Variants in SHANK2 observed in about 807,000 individuals in gnomAD.
SHANK2 encodes the protein SH3 and multiple ankyrin repeat domains protein 2.
In SHANK2, 43 loss-of-function variants were observed where a neutral mutation model predicts 133.7. The ratio of observed to expected loss-of-function variants is 0.32; its 90% CI spans 0.25 to 0.41. The LOEUF (loss-of-function observed/expected upper bound fraction) is 0.41. Among genes scored for constraint, SHANK2 ranks in the 10% least tolerant of loss-of-function variants. The pLI is 1.00. For synonymous variants in SHANK2, 1,017 were observed against 952.8 expected, an observed-to-expected ratio of 1.07 and a Z score of -1.24; for missense variants, 1,994 against 2,235.8, an observed-to-expected ratio of 0.89 and a Z score of 2.18.
At chr11:70,650,300 A>C in intron 17 of SHANK2, among the ~76,000 whole-genome samples, 1 of 152,234 alleles carries the variant, frequency 6.6e-6, no homozygotes, top group East Asian at 1.9e-4. Context: ...ACTGTCACTA[A>C]GTAATGAGCC....
At chr11:70,691,997 C>T (rs562046851) in intron 15 of SHANK2, among the ~76,000 whole-genome samples, 2 of 152,258 alleles carry the variant, frequency 1.3e-5, no homozygotes, top group Admixed American at 6.5e-5. Context: ...TCAAAGAAGC[C>T]GCCATGGGGG....
chr11:70,603,287 C>CAGTT (rs1324312455), intron 17 of SHANK2: 2 of 152,384 alleles, frequency 1.3e-5, no homozygotes, highest in African/African-American at 2.4e-5. Context: ...GCCCCATGAG[C>CAGTT]AGTTGTGGGC....
chr11:71,151,337 T>C (rs1210967987), intron 2 of SHANK2, among the ~76,000 whole-genome samples: 7 of 152,096 alleles, frequency 4.6e-5, no homozygotes, highest in African/African-American at 1.7e-4. Context: ...GCTCTTCCGG[T>C]GTGGGAAGAG....
At chr11:70,495,214 C>G (rs1213795573) in intron 21 of SHANK2, among the ~76,000 whole-genome samples, 1 of 152,198 alleles carries the variant, frequency 6.6e-6, no homozygotes, top group Non-Finnish European at 1.5e-5. Flanking sequence ...TCCCTGTCAA[C>G]CTCCCTGGGC....
intron 17 of SHANK2, among the ~76,000 whole-genome samples, chr11:70,530,050 C>T (rs1327466948): frequency 6.6e-6 from 1 of 152,178 alleles, no homozygotes; most frequent in African/African-American, 2.4e-5. Context: ...AGCAATTCCA[C>T]TCCTGGGTAC....
chr11:70,544,748 C>T (rs935912349), intron 17 of SHANK2, among the ~76,000 whole-genome samples: 2 of 152,212 alleles, frequency 1.3e-5, no homozygotes, highest in African/African-American at 2.4e-5. Context: ...GACCTGAAAC[C>T]GCAGTCTCAC....
intron 14 of SHANK2, among the ~76,000 whole-genome samples, chr11:70,798,005 C>T (rs1012995057): frequency 2.0e-5 from 3 of 152,260 alleles, no homozygotes; most frequent in Admixed American, 6.5e-5. Context: ...GGCTTCCCGT[C>T]GGAACACTGA....
intron 17 of SHANK2, among the ~76,000 whole-genome samples, chr11:70,546,759 G>A (rs1193649520): frequency 2.6e-5 from 4 of 152,286 alleles, no homozygotes; most frequent in South Asian, 2.1e-4. Flanking sequence ...GGGGAACAAT[G>A]CATACACCTC....
chr11:70,955,099 A>G (rs1052029864), intron 10 of SHANK2, among the ~76,000 whole-genome samples: 1 of 152,166 alleles, frequency 6.6e-6, no homozygotes, highest in African/African-American at 2.4e-5. Flanking sequence ...TTCCCTGCCC[A>G]TATTAAATTT....
chr11:70,837,187 G>A (rs1565351665), intron 11 of SHANK2, among the ~76,000 whole-genome samples: 1 of 152,194 alleles, frequency 6.6e-6, no homozygotes, highest in East Asian at 1.9e-4. Flanking sequence ...AGCTAATGAA[G>A]ACACCAGGCA....
intron 14 of SHANK2, among the ~76,000 whole-genome samples, chr11:70,746,122 G>T (rs1440251461): frequency 6.6e-6 from 1 of 152,202 alleles, no homozygotes; most frequent in Non-Finnish European, 1.5e-5. Context: ...TCACACCCAC[G>T]CTTCAAAGGT....
chr11:70,801,879 A>G (rs1284712961), intron 13 of SHANK2, among the ~76,000 whole-genome samples: 1 of 151,762 alleles, frequency 6.6e-6, no homozygotes, highest in African/African-American at 2.4e-5. Context: ...ATTGTCAAGG[A>G]CCCTGTCCCT....
intron 8 of SHANK2, among the ~76,000 whole-genome samples, chr11:71,081,877 A>C (rs963552647): frequency 1.3e-5 from 2 of 152,208 alleles, no homozygotes; most frequent in Non-Finnish European, 2.9e-5. Context: ...CCCCAGGTCC[A>C]GAGTGACACG....
At chr11:70,687,773 C>T (rs915007464) in intron 15 of SHANK2, among the ~76,000 whole-genome samples, 1 of 152,190 alleles carries the variant, frequency 6.6e-6, no homozygotes, top group Admixed American at 6.5e-5. Context: ...GGGCCCCTGC[C>T]CCATCCAGGT....
At chr11:70,555,935 C>T (rs1215148337) in intron 17 of SHANK2, among the ~76,000 whole-genome samples, 1 of 152,144 alleles carries the variant, frequency 6.6e-6, no homozygotes, top group African/African-American at 2.4e-5. Context: ...GAGTAAGCTG[C>T]AGAACAAAAG....
chr11:70,919,884 G>A (rs182563937), intron 10 of SHANK2, among the ~76,000 whole-genome samples: 14 of 152,204 alleles, frequency 9.2e-5, no homozygotes, highest in Non-Finnish European at 1.8e-4. Context: ...TATGTCCTCC[G>A]GGCTCATTCC....
chr11:71,086,771 T>C (rs1951425430), intron 8 of SHANK2, among the ~76,000 whole-genome samples: 1 of 152,200 alleles, frequency 6.6e-6, no homozygotes. Flanking sequence ...CAGGCGGCAC[T>C]GTCCGCTGCT....
intron 14 of SHANK2, among the ~76,000 whole-genome samples, chr11:70,731,447 T>C (rs1160498349): frequency 6.6e-6 from 1 of 152,236 alleles, no homozygotes; most frequent in East Asian, 1.9e-4. Context: ...CTCATCTACT[T>C]TCTGTTTCTA....
intron 10 of SHANK2, among the ~76,000 whole-genome samples, chr11:70,934,644 G>A (rs1170043526): frequency 3.0e-4 from 46 of 152,222 alleles, no homozygotes; most frequent in Non-Finnish European, 2.2e-4. Flanking sequence ...ATCAATTAAG[G>A]AGGCTCCTTA....
Sources: gnomAD v4.1 joint callset for allele counts (sites outside exome capture counted in the v4.1 genomes callset) on GRCh38, gnomAD v4.1.1 for gene constraint, MANE v1.5 for transcripts, NCBI Gene and HGNC (gene_info 2026-07-23, HGNC 2026-07-21) for gene names.